Variants in CCDC50 observed in about 807,000 individuals in gnomAD.
The protein encoded by CCDC50 is coiled-coil domain-containing protein 50.
A neutral mutation model predicts 70.2 loss-of-function variants in CCDC50; 54 were observed. That is an observed-to-expected ratio of 0.77 (90% CI 0.62 to 0.96). The LOEUF (loss-of-function observed/expected upper bound fraction) is 0.96. Ranked by LOEUF, CCDC50 falls within the 50% of genes least tolerant of loss-of-function variation. The pLI, the probability that CCDC50 is intolerant of heterozygous loss-of-function variation, is 0.00. For synonymous variants in CCDC50, 216 were observed against 198.8 expected (o/e 1.09, Z -0.73); for missense variants, 558 against 578.7 (o/e 0.96, Z 0.37).
intron 3 of CCDC50, among the ~76,000 whole-genome samples, chr3:191,359,719 A>G (rs1576959487): frequency 6.6e-6 from 1 of 152,304 alleles, no homozygotes; most frequent in South Asian, 2.1e-4. Context: ...TTGAGATGTT[A>G]TGAGGCTCAG....
intron 4 of CCDC50, among the ~76,000 whole-genome samples, chr3:191,366,426 A>G (rs374244530): frequency 6.6e-6 from 1 of 152,168 alleles, no homozygotes; most frequent in African/African-American, 2.4e-5. Context: ...ATACAATGGT[A>G]AACTCCCATT....
intron 4 of CCDC50, among the ~76,000 whole-genome samples, chr3:191,364,210 G>C (rs148800009): frequency 1.3e-4 from 19 of 151,784 alleles, no homozygotes; most frequent in Admixed American, 2.0e-4. Context: ...CTGGGACTAC[G>C]GGCGCCTGGC....
At chr3:191,339,996 A>G (rs371654933) in intron 1 of CCDC50, among the ~76,000 whole-genome samples, 11 of 152,348 alleles carry the variant, frequency 7.2e-5, no homozygotes, top group Admixed American at 1.3e-4. Context: ...TAGCATGGCA[A>G]TTACCCTAGA....
chr3:191,373,791 T>G (rs941666551), intron 5 of CCDC50, among the ~76,000 whole-genome samples: 4 of 152,118 alleles, frequency 2.6e-5, no homozygotes, highest in African/African-American at 9.7e-5. Flanking sequence ...TAATTTAGTA[T>G]TGTCTTGGGA....
intron 3 of CCDC50, among the ~76,000 whole-genome samples, chr3:191,360,040 A>C (rs986688933): frequency 4.6e-5 from 7 of 152,208 alleles, no homozygotes; most frequent in African/African-American, 1.7e-4. Context: ...GTAAGCTAGA[A>C]GGGAAGTCTT....
intron 1 of CCDC50, among the ~76,000 whole-genome samples, chr3:191,342,206 C>T (rs1326974740): frequency 6.6e-6 from 1 of 152,158 alleles, no homozygotes; most frequent in African/African-American, 2.4e-5. Context: ...GTGTAGAGTT[C>T]TGACAAATAG....
At chr3:191,356,987 A>G (rs1712306513) in intron 1 of CCDC50, 101 bp from the exon 2 acceptor site, 1 of 765,074 alleles carries the variant, frequency 1.3e-6, no homozygotes, top group Admixed American at 2.0e-5. Context: ...CTGAAATATT[A>G]GAATTGATTT....
chr3:191,376,484 G>A (rs1713117474), intron 6 of CCDC50, among the ~76,000 whole-genome samples: 1 of 152,076 alleles, frequency 6.6e-6, no homozygotes, highest in Non-Finnish European at 1.5e-5. Flanking sequence ...CCATGTGTCT[G>A]TAACACTAGG....
At position 191,395,385 on chromosome 3, in the gene CCDC50, C is replaced by T. The variant is rs1713829450; in HGVS notation, c.*3625C>T. ...TTTGTGTTGTGCCAAATTGGAAATA[C>T]CCACTATAATATGGTGCATTCAGTT... is the stretch of plus-strand genomic sequence containing the variant. On this transcript the variant is annotated 3_prime_UTR_variant, in exon 12 of 12. Transcript: ENST00000392455. 1 of 152,202 alleles carries T rather than the reference C, an allele frequency of 6.6e-6. No individual in the cohort carries two copies. Among genetic ancestry groups the T allele is most frequent in the African/African-American group, 2.4e-5 (1 of 41,540 alleles). The allele number at this position is 152,202 out of a possible 1,614,324, so 9.4% of individuals were successfully genotyped here. A position where few individuals can be genotyped will look rare whatever the true frequency, so the allele number is the denominator to read the frequency against.
At chr3:191,365,216 A>G (rs1236713583) in intron 4 of CCDC50, among the ~76,000 whole-genome samples, 1 of 151,918 alleles carries the variant, frequency 6.6e-6, no homozygotes, top group South Asian at 2.1e-4. Context: ...TTGTGGCACT[A>G]GTTTAACAAT....
chr3:191,383,969 A>G (rs1286951805), intron 10 of CCDC50, among the ~76,000 whole-genome samples: 1 of 152,172 alleles, frequency 6.6e-6, no homozygotes, highest in Non-Finnish European at 1.5e-5. Flanking sequence ...AATGAATTTA[A>G]ATCATCTTTA....
At chr3:191,389,853 C>CTTTTTTTTTTTT (rs10635756) in intron 11 of CCDC50, among the ~76,000 whole-genome samples, 1 of 84,658 alleles carries the variant, frequency 1.2e-5, no homozygotes, top group Admixed American at 1.7e-4. Context: ...ATCAAATTCA[C>CTTTTTTTTTTTT]TTTTTTTTTT....
intron 1 of CCDC50, among the ~76,000 whole-genome samples, chr3:191,343,698 G>A (rs1017869494): frequency 5.3e-5 from 8 of 152,170 alleles, no homozygotes; most frequent in Non-Finnish European, 8.8e-5. Context: ...TGTTTCTTCA[G>A]TTGTGACTCA....
At chr3:191,357,597 GTTATA>G (rs1237708251) in intron 2 of CCDC50, among the ~76,000 whole-genome samples, 1 of 152,164 alleles carries the variant, frequency 6.6e-6, no homozygotes, top group East Asian at 1.9e-4. Flanking sequence ...AGCTATGCAT[GTTATA>G]TTAAAGTACA....
In CCDC50 at chr3:191,331,047, T is replaced by G. The variant is rs189635895; in HGVS notation, c.49+1324T>G. Reference sequence around the variant, plus strand: ...ACTCTGCTGTCAAGACTAAGGAGGCTGAGCGATAGGAAAGGCGGATCCATA... The same window carrying G: ...ACTCTGCTGTCAAGACTAAGGAGGCGGAGCGATAGGAAAGGCGGATCCATA... On this transcript the variant is annotated intron_variant, in intron 1 of 11. Coordinates refer to ENST00000392455, the MANE Select transcript of CCDC50 (RefSeq NM_178335.3). Among the ~76,000 whole-genome samples, 24 of 152,346 alleles carry G rather than the reference T, an allele frequency of 1.6e-4. No homozygotes were observed. In the East Asian group the frequency reaches 1.9e-3, roughly 12 times the overall value.
chr3:191,335,644 G>A (rs1440198698), intron 1 of CCDC50, among the ~76,000 whole-genome samples: 1 of 152,046 alleles, frequency 6.6e-6, no homozygotes, highest in Non-Finnish European at 1.5e-5. Flanking sequence ...TTAAGTGTGT[G>A]TGCATAGGAT....
rs1195242906 is a variant in CCDC50 at position 191,396,561 on chromosome 3, C to A, written c.*4801C>A. On this transcript the variant is annotated 3_prime_UTR_variant, in exon 12 of 12. Transcript: ENST00000392455. ...TATGGTGACTACATAGAAGATATTT[C>A]CAAAGGTTCTGTTATGCAGTGAAGA... 6.6e-6 allele frequency: 1 copy of A among 152,002 alleles called. No individual in the cohort carries two copies. The highest frequency in any genetic ancestry group is 6.6e-5 in the Admixed American group (1 of 15,250). 9.4% of individuals were successfully genotyped at this position (152,002 alleles called of 1,614,324 possible). A position where few individuals can be genotyped will look rare whatever the true frequency, so the allele number is the denominator to read the frequency against.
chr3:191,353,617 T>C (rs1478318513), intron 1 of CCDC50, among the ~76,000 whole-genome samples: 1 of 142,122 alleles, frequency 7.0e-6, no homozygotes, highest in Non-Finnish European at 1.6e-5. Context: ...ATTTACAAAG[T>C]TGACTGAATA....
chr3:191,364,412 C>G (rs568779274), intron 4 of CCDC50, among the ~76,000 whole-genome samples: 75 of 151,652 alleles, frequency 4.9e-4, no homozygotes, highest in Non-Finnish European at 9.0e-4. Context: ...CTTCTGCTTC[C>G]CTGTAGAGTC....
Sources: allele counts gnomAD v4.1 joint callset (sites outside exome capture counted in the v4.1 genomes callset), GRCh38; gene constraint gnomAD v4.1.1; transcripts MANE v1.5; gene names NCBI Gene and HGNC (gene_info 2026-07-23, HGNC 2026-07-21).